The following CTTNBP2 variants were observed in gnomAD, a reference collection of about 807,000 sequenced individuals.
CTTNBP2 encodes cortactin-binding protein 2.
In CTTNBP2, 108 loss-of-function variants were observed where a neutral mutation model predicts 156.9. The observed-to-expected ratio is 0.69, with a 90% CI of 0.59 to 0.81. The LOEUF (loss-of-function observed/expected upper bound fraction) is 0.81, where lower values mean the gene tolerates loss of function less well. Among genes scored for constraint, CTTNBP2 ranks in the 30% least tolerant of loss-of-function variants. CTTNBP2 has a pLI of 0.00. For missense variants in CTTNBP2, 1,924 were observed against 2,035.4 expected, an observed-to-expected ratio of 0.95 and a Z score of 1.05; for synonymous variants, 767 against 751.8, an observed-to-expected ratio of 1.02 and a Z score of -0.33.
intron 4 of CTTNBP2, chr7:117,786,434 C>A (rs1798706740): frequency 5.4e-6 from 2 of 373,626 alleles, no homozygotes; most frequent in Non-Finnish European, 1.1e-5. Flanking sequence ...TTCTTAAAAA[C>A]AAACAAACAA....
At chr7:117,871,874 A>ACACACACACACACACACACACACCCC (rs1457195330) in intron 1 of CTTNBP2, 1 of 916,646 alleles carries the variant, frequency 1.1e-6, no homozygotes, top group East Asian at 1.3e-4. Flanking sequence ...ACACACACAC[A>ACACACACACACACACACACACACCCC]CCCTCTTTCT....
chr7:117,719,661 T>C (rs1362731142), intron 20 of CTTNBP2, 25 bp from the exon 21 acceptor site: 1 of 1,594,580 alleles, frequency 6.3e-7, no homozygotes, highest in Middle Eastern at 1.7e-4. Context: ...AGAAAAACGT[T>C]TTTCAAAGTG....
intron 12 of CTTNBP2, among the ~76,000 whole-genome samples, chr7:117,751,018 C>T (rs145060430): frequency 6.6e-6 from 1 of 152,324 alleles, no homozygotes; most frequent in Non-Finnish European, 1.5e-5. Context: ...ACAATTGGTA[C>T]CAATCCCTTT....
chr7:117,780,458 G>T lies in CTTNBP2; in HGVS notation c.2506C>A (p.Arg836=). The T allele has an allele frequency of 6.4e-7, 1 of 1,573,286 alleles. No homozygotes were observed. Among genetic ancestry groups the T allele is most frequent in the Non-Finnish European group, 8.6e-7 (1 of 1,163,668 alleles). ...IKLLLEAGTN[R]SVKTTDGWTP... ...CTACTCACTGTGGTTTTTACACTTC[G>T]ATTGGTTCCAGCTTCCAACAAGAGT... is the stretch of plus-strand genomic sequence containing the variant. Residue 836 remains arginine (R), a synonymous_variant, in exon 7 of 23, where the codon CGA becomes AGA. Coordinates refer to ENST00000160373, the MANE Select transcript of CTTNBP2 (RefSeq NM_033427.3).
intron 12 of CTTNBP2, 151 bp downstream of exon 12, chr7:117,756,404 C>A (rs1796884819): frequency 1.5e-6 from 1 of 645,242 alleles, no homozygotes; most frequent in East Asian, 2.7e-5. Context: ...AATGGGCAGC[C>A]TGCCAGGGAG....
chr7:117,827,437 T>C (rs1050977204), intron 2 of CTTNBP2, among the ~76,000 whole-genome samples: 14 of 152,212 alleles, frequency 9.2e-5, no homozygotes, highest in East Asian at 1.9e-4. Flanking sequence ...GCTTTGATCA[T>C]GTGTGTTTGT....
intron 2 of CTTNBP2, among the ~76,000 whole-genome samples, chr7:117,853,156 G>A (rs551535068): frequency 6.6e-6 from 1 of 152,290 alleles, no homozygotes; most frequent in East Asian, 1.9e-4. Flanking sequence ...CAAAGCATGA[G>A]CCAAATGGAA....
At chr7:117,840,129 A>G (rs1271629506) in intron 2 of CTTNBP2, among the ~76,000 whole-genome samples, 1 of 152,230 alleles carries the variant, frequency 6.6e-6, no homozygotes, top group Non-Finnish European at 1.5e-5. Flanking sequence ...TGAAGGCTAC[A>G]AAGTACAAAA....
At chr7:117,861,841 G>A (rs1338260586) in intron 1 of CTTNBP2, among the ~76,000 whole-genome samples, 2 of 152,004 alleles carry the variant, frequency 1.3e-5, no homozygotes, top group African/African-American at 4.8e-5. Flanking sequence ...CACAAAGTGG[G>A]TTTGTCGTTG....
At chr7:117,819,239 A>G (rs1237039701) in intron 2 of CTTNBP2, among the ~76,000 whole-genome samples, 3 of 152,146 alleles carry the variant, frequency 2.0e-5, no homozygotes, top group East Asian at 3.9e-4. Flanking sequence ...ATTTGTAAAT[A>G]AAAGGGAATG....
chr7:117,777,450 G>C lies in CTTNBP2; in HGVS notation c.2778+61C>G, dbSNP rs1798164517. 2.1e-5 allele frequency: 33 copies of C among 1,552,970 alleles called. No individual in the cohort carries two copies. In the South Asian group the frequency reaches 3.7e-4, roughly 18 times the overall value. On this transcript the variant is annotated intron_variant, in intron 8 of 22. Coordinates refer to ENST00000160373, the MANE Select transcript of CTTNBP2 (RefSeq NM_033427.3). Reference sequence around the variant, plus strand: ...ATTTAAGTGCACTTAATCTATAGCAGACAACTTTGCTGCTCATCAAATTAC... The same window carrying C: ...ATTTAAGTGCACTTAATCTATAGCACACAACTTTGCTGCTCATCAAATTAC...
At chr7:117,756,703 G>T in intron 11 of CTTNBP2, 69 bp from the exon 12 acceptor site, 1 of 1,015,488 alleles carries the variant, frequency 9.8e-7, no homozygotes, top group Middle Eastern at 2.1e-4. Flanking sequence ...AAACACAACA[G>T]AATCTATCAT....
chr7:117,804,612 AC>A, intron 3 of CTTNBP2, among the ~76,000 whole-genome samples: 1 of 152,350 alleles, frequency 6.6e-6, no homozygotes, highest in East Asian at 1.9e-4. Flanking sequence ...AAGATCACAT[AC>A]TTTGCAGAGA....
In CTTNBP2 at chr7:117,792,853, G is replaced by T; in HGVS notation, c.415-72C>A. 1.8e-6 allele frequency: 2 copies of T among 1,099,268 alleles called. No homozygotes were observed. The highest frequency in any genetic ancestry group is 1.2e-6 in the Non-Finnish European group (1 of 817,204). 68.1% of individuals were successfully genotyped at this position (1,099,268 alleles called of 1,614,324 possible). ...TTTTCACCAAGGAAATGCTTTTTGT[G>T]AGATTTTTATTAATTTTCTAACAAT... is the stretch of plus-strand genomic sequence containing the variant. On this transcript the variant is annotated intron_variant, in intron 3 of 22. Transcript: ENST00000160373. This position sits in a 1 kb window ranked among gnomAD's most constrained non-coding sequence, Gnocchi z 4.2.
At chr7:117,861,119 T>C (rs1803705951) in intron 2 of CTTNBP2, 90 bp downstream of exon 2, 1 of 746,156 alleles carries the variant, frequency 1.3e-6, no homozygotes, top group South Asian at 1.7e-5. Context: ...ATCTATTTGA[T>C]TCAAAAATTA....
At chr7:117,747,691 T>G (rs994515182) in intron 12 of CTTNBP2, among the ~76,000 whole-genome samples, 5 of 152,194 alleles carry the variant, frequency 3.3e-5, no homozygotes, top group Admixed American at 6.5e-5. Context: ...GAGAATCGCT[T>G]GAACCCGGGA....
At chr7:117,813,791 C>A (rs2116984682) in intron 2 of CTTNBP2, among the ~76,000 whole-genome samples, 1 of 152,256 alleles carries the variant, frequency 6.6e-6, no homozygotes, top group South Asian at 2.1e-4. Flanking sequence ...CTGGATGAGG[C>A]AGGACTCACA....
intron 8 of CTTNBP2, among the ~76,000 whole-genome samples, chr7:117,768,581 A>AAAG (rs1554419707): frequency 6.6e-4 from 65 of 99,114 alleles, no homozygotes; most frequent in African/African-American, 2.4e-3. Context: ...AAAAAAAAAA[A>AAAG]AAAGAAAGAA....
At chr7:117,854,490 T>C (rs2117209464) in intron 2 of CTTNBP2, among the ~76,000 whole-genome samples, 1 of 152,324 alleles carries the variant, frequency 6.6e-6, no homozygotes, top group South Asian at 2.1e-4. Context: ...TTTAAAGTGA[T>C]TGCCTTTGTT....
Sources: allele counts gnomAD v4.1 joint callset (sites outside exome capture counted in the v4.1 genomes callset), GRCh38; gene constraint gnomAD v4.1.1; non-coding constraint Gnocchi (gnomAD v3.1); transcripts MANE v1.5; gene names NCBI Gene and HGNC (gene_info 2026-07-23, HGNC 2026-07-21).